Variants in UBASH3A observed in about 807,000 individuals in gnomAD.
UBASH3A encodes the protein ubiquitin associated and SH3 domain containing A, also known as ubiquitin-associated and SH3 domain-containing protein A.
Under a neutral mutation model 73.5 loss-of-function variants are expected in UBASH3A, and 63 were observed. The observed-to-expected ratio is 0.86, with a 90% CI of 0.70 to 1.06. UBASH3A has a LOEUF of 1.06. Ranked by LOEUF, UBASH3A falls within the 50% of genes least tolerant of loss-of-function variation. The pLI is 0.00. For synonymous variants in UBASH3A, 363 were observed against 351.1 expected, an observed-to-expected ratio of 1.03 and a Z score of -0.38; for missense variants, 860 against 859.0, an observed-to-expected ratio of 1.00 and a Z score of -0.02.
In UBASH3A at chr21:42,444,561, G is replaced by T; in HGVS notation, c.1766G>T (p.Gly589Val). 4 of 1,613,790 alleles carry T rather than the reference G, an allele frequency of 2.5e-6. No individual in the cohort carries two copies. In the South Asian group the frequency reaches 4.4e-5, roughly 18 times the overall value. Residue 589 changes from glycine to valine, a missense_variant, in exon 14 of 15, where the codon GGC (glycine) becomes GTC (valine). Gly to Val is a moderately radical substitution (Grantham distance 109, BLOSUM62 -3). Transcript: ENST00000319294. Reference sequence around the variant, plus strand: ...GGTGTCATCCTAATTGTGAGTCACGGCTCCACTCTGGACTCCTGCACGCGG... The same window carrying T: ...GGTGTCATCCTAATTGTGAGTCACGTCTCCACTCTGGACTCCTGCACGCGG... The part of the protein sequence containing the change: ...DTGVILIVSH[G>V]STLDSCTRPL...
chr21:42,418,384 C>G lies in UBASH3A; in HGVS notation c.838-17C>G, dbSNP rs1215805998. On this transcript the variant is annotated splice_polypyrimidine_tract_variant and intron_variant, in intron 6 of 14. Coordinates refer to ENST00000319294, the MANE Select transcript of UBASH3A (RefSeq NM_018961.4). ...AATCTTTGCTCGAGACGTGAAACCC[C>G]TTTGCCTCTTTTCTAGACCCTGAGA... 1 of 1,603,524 alleles carries G rather than the reference C, an allele frequency of 6.2e-7. No homozygotes were observed. The highest frequency in any genetic ancestry group is 1.1e-5 in the South Asian group (1 of 90,940).
chr21:42,418,632 G>T (rs748580933), intron 7 of UBASH3A, 23 bp downstream of exon 7: 2 of 1,598,664 alleles, frequency 1.3e-6, no homozygotes, highest in Non-Finnish European at 1.7e-6. Context: ...TCTGGCTGCA[G>T]CCCCGTCATC....
chr21:42,424,278 C>G (rs1202996365), intron 7 of UBASH3A, among the ~76,000 whole-genome samples: 1 of 152,142 alleles, frequency 6.6e-6, no homozygotes, highest in Non-Finnish European at 1.5e-5. Flanking sequence ...CAGAGGGCAC[C>G]TTTCCAGGTA....
At chr21:42,415,381 T>G (rs551796956) in intron 5 of UBASH3A, among the ~76,000 whole-genome samples, 1 of 152,084 alleles carries the variant, frequency 6.6e-6, no homozygotes, top group South Asian at 2.1e-4. Context: ...TGCTCTGGGC[T>G]GTGCAGCCTC....
At chr21:42,419,487 A>G (rs2088854410) in intron 7 of UBASH3A, among the ~76,000 whole-genome samples, 1 of 152,194 alleles carries the variant, frequency 6.6e-6, no homozygotes, top group South Asian at 2.1e-4. Flanking sequence ...TCTGGCACAC[A>G]TGGGAAGGAT....
At chr21:42,409,715 A>G in intron 3 of UBASH3A, 107 bp downstream of exon 3, 1 of 1,017,564 alleles carries the variant, frequency 9.8e-7, no homozygotes, top group South Asian at 1.6e-5. Flanking sequence ...GGGATAGTCC[A>G]GAACTGCATC....
rs1420148649 is a variant in UBASH3A at position 42,403,903 on chromosome 21, T to C, written c.-43T>C. 1.6e-6 allele frequency: 2 copies of C among 1,280,810 alleles called. No homozygotes were observed. The highest frequency in any genetic ancestry group is 2.1e-6 in the Non-Finnish European group (2 of 957,848). The allele number at this position is 1,280,810 out of a possible 1,614,324, so 79.3% of individuals were successfully genotyped here. A position where few individuals can be genotyped will look rare whatever the true frequency, so the allele number is the denominator to read the frequency against. On this transcript the variant is annotated 5_prime_UTR_variant, in exon 1 of 15. Coordinates refer to ENST00000319294, the MANE Select transcript of UBASH3A (RefSeq NM_018961.4). The stretch of plus-strand genomic sequence containing the variant: ...CTCCCCCTCTTGCTTTATCTCCTCA[T>C]TTCTGTGTGCAGGCGAGCTTCTTGG...
At chr21:42,442,735 G>C in intron 12 of UBASH3A, 139 bp downstream of exon 12, 1 of 924,756 alleles carries the variant, frequency 1.1e-6, no homozygotes, top group East Asian at 2.6e-5. Context: ...AGGGGAGAGA[G>C]GTGGGGCTCA....
chr21:42,439,921 A>G (rs560407768), intron 11 of UBASH3A, among the ~76,000 whole-genome samples: 45 of 141,056 alleles, frequency 3.2e-4, no homozygotes, highest in Non-Finnish European at 2.3e-4. Context: ...CACCTCACAC[A>G]CACCACACAC....
At position 42,443,423 on chromosome 21, in the gene UBASH3A, G is replaced by C; in HGVS notation, c.1738+5G>C. The C allele has an allele frequency of 6.3e-7, 1 of 1,597,842 alleles. No individual in the cohort carries two copies. Among genetic ancestry groups the C allele is most frequent in the Non-Finnish European group, 8.5e-7 (1 of 1,171,828 alleles). ...TCAACACCTGTCCACAGGACAGTAA[G>C]TGCCTCACCATCCTCAGTATGAACA... On this transcript the variant is annotated splice_donor_5th_base_variant and intron_variant, in intron 13 of 14. Transcript: ENST00000319294.
chr21:42,416,431 T>C lies in UBASH3A; in HGVS notation c.668-11T>C. 6.4e-7 allele frequency: 1 copy of C among 1,554,958 alleles called. No homozygotes were observed. Among genetic ancestry groups the C allele is most frequent in the East Asian group, 2.4e-5 (1 of 41,166 alleles). On this transcript the variant is annotated splice_polypyrimidine_tract_variant and intron_variant, in intron 5 of 14. Transcript: ENST00000319294. ...TGTCCTGGCACCCTCTGTGTTTCCC[T>C]GATTTCACAGACTGCTCCGTGAAGC...
intron 10 of UBASH3A, chr21:42,435,548 G>A (rs992700858): frequency 1.3e-5 from 2 of 151,122 alleles, no homozygotes; most frequent in East Asian, 3.8e-4. Context: ...TCCAGGCAGG[G>A]TGGGAAGTCC....
intron 7 of UBASH3A, among the ~76,000 whole-genome samples, chr21:42,423,307 C>T (rs535759474): frequency 6.6e-6 from 1 of 152,358 alleles, no homozygotes; most frequent in South Asian, 2.1e-4. Flanking sequence ...ACATCAAAAT[C>T]ACAGGATGTG....
At chr21:42,415,217 C>T (rs1423377210) in intron 5 of UBASH3A, among the ~76,000 whole-genome samples, 2 of 152,260 alleles carry the variant, frequency 1.3e-5, no homozygotes, top group African/African-American at 4.8e-5. Flanking sequence ...GTGTGACTCA[C>T]TCTGACGTCA....
At chr21:42,412,437 T>A (rs1245444735) in intron 3 of UBASH3A, among the ~76,000 whole-genome samples, 1 of 152,100 alleles carries the variant, frequency 6.6e-6, no homozygotes, top group Non-Finnish European at 1.5e-5. Context: ...GAATTCCCAG[T>A]GCAGGAGACG....
chr21:42,444,734 T>C, intron 14 of UBASH3A, 91 bp downstream of exon 14: 1 of 1,114,476 alleles, frequency 9.0e-7, no homozygotes, highest in Non-Finnish European at 1.4e-6. Context: ...TGAAAACAAG[T>C]GTCCGGCTGA....
At chr21:42,419,092 G>C (rs555713665) in intron 7 of UBASH3A, among the ~76,000 whole-genome samples, 1 of 152,296 alleles carries the variant, frequency 6.6e-6, no homozygotes, top group Non-Finnish European at 1.5e-5. Context: ...GGGGTCTCAA[G>C]GCTGTAATCA....
At chr21:42,409,742 A>T in intron 3 of UBASH3A, 134 bp downstream of exon 3, 1 of 751,324 alleles carries the variant, frequency 1.3e-6, no homozygotes, top group Non-Finnish European at 2.1e-6. Context: ...TGGCACCTTC[A>T]TATGAGCTGT....
chr21:42,427,956 T>C (rs959246356), intron 8 of UBASH3A, among the ~76,000 whole-genome samples: 4 of 152,156 alleles, frequency 2.6e-5, no homozygotes, highest in African/African-American at 7.2e-5. Flanking sequence ...CTGAATGTGA[T>C]TGTATTTGTA....
Sources: gnomAD v4.1 joint callset for allele counts (sites outside exome capture counted in the v4.1 genomes callset) on GRCh38, gnomAD v4.1.1 for gene constraint, MANE v1.5 for transcripts, NCBI Gene and HGNC (gene_info 2026-07-23, HGNC 2026-07-21) for gene names.